The following ATP6V1E1 variants were observed in gnomAD, a reference collection of about 807,000 sequenced individuals.
ATP6V1E1 encodes ATPase H+ transporting V1 subunit E1.
A neutral mutation model predicts 35.2 loss-of-function variants in ATP6V1E1; 21 were observed. The ratio of observed to expected loss-of-function variants is 0.60; its 90% confidence interval spans 0.42 to 0.86. The LOEUF (loss-of-function observed/expected upper bound fraction) is 0.86. Ranked by LOEUF, ATP6V1E1 falls within the 40% of genes least tolerant of loss-of-function variation. The pLI is 0.00. For synonymous variants in ATP6V1E1, 83 were observed against 87.8 expected (o/e 0.95, Z 0.30); for missense variants, 183 against 272.6 (o/e 0.67, Z 2.32).
intron 7 of ATP6V1E1, among the ~76,000 whole-genome samples, chr22:17,597,392 C>T (rs899976712): frequency 1.3e-5 from 2 of 152,020 alleles, no homozygotes; most frequent in Non-Finnish European, 2.9e-5. Flanking sequence ...CTACACAAAG[C>T]TTGTTAGGAA....
intron 1 of ATP6V1E1, among the ~76,000 whole-genome samples, chr22:17,622,866 CT>C (rs1421745034): frequency 1.3e-5 from 2 of 152,070 alleles, no homozygotes; most frequent in African/African-American, 4.8e-5. Flanking sequence ...ACTCAGGAGG[CT>C]GAGGCAGGAG....
chr22:17,626,307 C>CAAAAAAAAAAA (rs928655426), intron 1 of ATP6V1E1, among the ~76,000 whole-genome samples: 1 of 61,978 alleles, frequency 1.6e-5, no homozygotes, highest in Non-Finnish European at 3.5e-5. Flanking sequence ...GACTTCGTCT[C>CAAAAAAAAAAA]AAAAAAAAAA....
At chr22:17,626,103 A>C (rs1470476453) in intron 1 of ATP6V1E1, among the ~76,000 whole-genome samples, 1 of 151,816 alleles carries the variant, frequency 6.6e-6, no homozygotes, top group Non-Finnish European at 1.5e-5. Flanking sequence ...TCAGGAGATC[A>C]AGACCATCCT....
intron 1 of ATP6V1E1, among the ~76,000 whole-genome samples, chr22:17,627,645 C>T (rs1479223266): frequency 6.7e-6 from 1 of 150,342 alleles, no homozygotes; most frequent in Non-Finnish European, 1.5e-5. Flanking sequence ...ATGGTGAGAC[C>T]CTGCCTCTAC....
chr22:17,605,334 C>T (rs988511317), intron 4 of ATP6V1E1, among the ~76,000 whole-genome samples: 5 of 151,930 alleles, frequency 3.3e-5, no homozygotes, highest in African/African-American at 9.7e-5. Flanking sequence ...AGTTTGAGAC[C>T]GGCCTGGCCA....
intron 2 of ATP6V1E1, among the ~76,000 whole-genome samples, chr22:17,618,681 C>CAAA (rs796136446): frequency 5.5e-5 from 4 of 72,402 alleles, no homozygotes; most frequent in East Asian, 6.8e-4. Context: ...GACTCCATCT[C>CAAA]AAAAAAAAAA....
intron 4 of ATP6V1E1, among the ~76,000 whole-genome samples, chr22:17,609,759 A>G (rs767243673): frequency 6.6e-6 from 1 of 151,996 alleles, no homozygotes; most frequent in Non-Finnish European, 1.5e-5. Context: ...CTGAGCCACC[A>G]CGCCCAGCCC....
At chr22:17,612,671 T>C (rs994136435) in intron 4 of ATP6V1E1, 141 bp downstream of exon 4, 4 of 774,046 alleles carry the variant, frequency 5.2e-6, no homozygotes, top group Admixed American at 7.0e-5. Context: ...TTATTCACTT[T>C]TGTATTTATT....
At position 17,619,571 on chromosome 22, in the gene ATP6V1E1, A is replaced by G. The variant is rs759171509; in HGVS notation, c.34-45T>C. The G allele has an allele frequency of 6.4e-5, 92 of 1,442,718 alleles. No homozygotes were observed. In the Admixed American group the frequency reaches 1.8e-3, roughly 28 times the overall value. The allele number at this position is 1,442,718 out of a possible 1,614,324, so 89.4% of individuals were successfully genotyped here. On this transcript the variant is annotated intron_variant, in intron 1 of 8. Transcript: ENST00000253413. ...TATTTTTTAGTTCAAAAATATGGAA[A>G]TATCTTTTCTGATTCATTGAACAAG... is the stretch of plus-strand genomic sequence containing the variant.
At chr22:17,594,459 T>C (rs920751871) in intron 8 of ATP6V1E1, 70 bp downstream of exon 8, 4 of 1,192,774 alleles carry the variant, frequency 3.4e-6, no homozygotes, top group Admixed American at 3.4e-5. Flanking sequence ...TACCAGTGAA[T>C]GGACACGTGT....
rs143725014 is a variant in ATP6V1E1, at chr22:17,594,933, G to A, written c.531-317C>T. 1.2e-4 allele frequency: 20 copies of A among 171,534 alleles called. No homozygotes were observed. In the East Asian group the frequency reaches 2.6e-3, roughly 22 times the overall value. The allele number at this position is 171,534 out of a possible 1,614,324, so 10.6% of individuals were successfully genotyped here. The stretch of plus-strand genomic sequence containing the variant: ...ATACGATGTAAATGGTTGTTATACC[G>A]TAGTGTTTAGGGAGTGAAAAGAAAA... On this transcript the variant is annotated intron_variant, in intron 7 of 8. Coordinates refer to ENST00000253413, the MANE Select transcript of ATP6V1E1 (RefSeq NM_001696.4).
chr22:17,606,549 CATT>C (rs1426862500), intron 4 of ATP6V1E1, among the ~76,000 whole-genome samples: 69 of 152,284 alleles, frequency 4.5e-4, no homozygotes, highest in African/African-American at 1.6e-3. Flanking sequence ...TCAAAATTCT[CATT>C]ATAAGTCAGA....
At chr22:17,599,645 C>T (rs915870664) in intron 6 of ATP6V1E1, among the ~76,000 whole-genome samples, 4 of 148,188 alleles carry the variant, frequency 2.7e-5, no homozygotes, top group South Asian at 2.1e-4. Context: ...TACGGCCAGG[C>T]GCGGTGGCTC....
intron 1 of ATP6V1E1, among the ~76,000 whole-genome samples, chr22:17,624,699 T>A (rs2057894983): frequency 1.3e-5 from 2 of 151,918 alleles, no homozygotes; most frequent in Admixed American, 1.3e-4. Context: ...CATACGCCTG[T>A]AGTCCCAGCT....
chr22:17,604,368 C>T (rs2057775055), intron 4 of ATP6V1E1, among the ~76,000 whole-genome samples: 1 of 152,190 alleles, frequency 6.6e-6, no homozygotes, highest in Non-Finnish European at 1.5e-5. Flanking sequence ...AAGGGAAAAT[C>T]TGCCCAACTG....
At chr22:17,625,361 C>A (rs180936114) in intron 1 of ATP6V1E1, among the ~76,000 whole-genome samples, 1 of 152,202 alleles carries the variant, frequency 6.6e-6, no homozygotes, top group Admixed American at 6.6e-5. Context: ...TGGGTTCAAG[C>A]GATTCTCCTG....
At chr22:17,626,023 C>CT (rs2057902530) in intron 1 of ATP6V1E1, among the ~76,000 whole-genome samples, 1 of 151,948 alleles carries the variant, frequency 6.6e-6, no homozygotes, top group South Asian at 2.1e-4. Context: ...AAAAGGGGTC[C>CT]TGGCCAGGCG....
chr22:17,597,991 G>T (rs543711106), intron 7 of ATP6V1E1: 15 of 547,242 alleles, frequency 2.7e-5, no homozygotes, highest in South Asian at 4.6e-5. Context: ...TAGACTTTTA[G>T]AGTATATTTA....
In ATP6V1E1 at chr22:17,592,673, C is replaced by G; in HGVS notation, c.*1G>C. On this transcript the variant is annotated 3_prime_UTR_variant, in exon 9 of 9. Coordinates refer to ENST00000253413, the MANE Select transcript of ATP6V1E1 (RefSeq NM_001696.4). ...GACGACGAGCTCCACCTCCTGAAGGCTTAGTCCAAAAACTTCCTGTTGGCA... is the reference window on the plus strand; with the variant it reads ...GACGACGAGCTCCACCTCCTGAAGGGTTAGTCCAAAAACTTCCTGTTGGCA... 1 of 1,614,048 alleles carries G rather than the reference C, an allele frequency of 6.2e-7. No homozygotes were observed. The highest frequency in any genetic ancestry group is 8.5e-7 in the Non-Finnish European group (1 of 1,179,916).
Sources: gnomAD v4.1 joint callset for allele counts (sites outside exome capture counted in the v4.1 genomes callset) on GRCh38, gnomAD v4.1.1 for gene constraint, MANE v1.5 for transcripts, NCBI Gene and HGNC (gene_info 2026-07-23, HGNC 2026-07-21) for gene names.